Variants in VPS50 observed in about 807,000 individuals in gnomAD.
The protein encoded by VPS50 is syndetin.
In VPS50, 70 loss-of-function variants were observed where a neutral mutation model predicts 139.7. The observed-to-expected ratio is 0.50, with a 90% CI of 0.41 to 0.61. The LOEUF (loss-of-function observed/expected upper bound fraction) is 0.61, where lower values mean the gene tolerates loss of function less well. Among genes scored for constraint, VPS50 ranks in the 20% least tolerant of loss-of-function variants. VPS50 has a pLI of 0.00. For missense variants in VPS50, 921 were observed against 1,133.7 expected, an observed-to-expected ratio of 0.81 and a Z score of 2.69; for synonymous variants, 365 against 376.7, an observed-to-expected ratio of 0.97 and a Z score of 0.36.
intron 23 of VPS50, among the ~76,000 whole-genome samples, chr7:93,346,931 T>C (rs575069143): frequency 7.1e-6 from 1 of 140,282 alleles, no homozygotes; most frequent in Non-Finnish European, 1.5e-5. Flanking sequence ...ACTTCATGTC[T>C]AAAACACCAA....
At chr7:93,324,598 G>C (rs1374215078) in intron 21 of VPS50, among the ~76,000 whole-genome samples, 1 of 152,032 alleles carries the variant, frequency 6.6e-6, no homozygotes. Flanking sequence ...TTATTGATTT[G>C]CGTATATTGA....
In VPS50 at chr7:93,311,224, A is replaced by C. The variant is rs1012240831; in HGVS notation, c.1807A>C (p.Asn603His). The change falls in exon 20 of 28, where the codon AAT (asparagine) becomes CAT (histidine). Residue 603 changes from asparagine to histidine, a missense_variant. Coordinates refer to ENST00000305866, the MANE Select transcript of VPS50 (RefSeq NM_017667.4). ...ATCAGATTACAGTCTAAATAAAGTG[A>C]ATGCACCTATCTTAACAAATACAAC... ...KKSDYSLNKV[N>H]APILTNTTLN... 1 of 1,429,260 alleles carries C rather than the reference A, an allele frequency of 7.0e-7. No homozygotes were observed. Among genetic ancestry groups the C allele is most frequent in the Non-Finnish European group, 9.9e-7 (1 of 1,011,650 alleles). The allele number at this position is 1,429,260 out of a possible 1,614,324, so 88.5% of individuals were successfully genotyped here. A position where few individuals can be genotyped will look rare whatever the true frequency, so the allele number is the denominator to read the frequency against.
intron 16 of VPS50, among the ~76,000 whole-genome samples, chr7:93,297,628 T>A (rs1796849357): frequency 6.6e-6 from 1 of 152,178 alleles, no homozygotes; most frequent in African/African-American, 2.4e-5. Context: ...TGAGAGTATC[T>A]ATCTTTTAAA....
At position 93,239,886 on chromosome 7, in the gene VPS50, A is replaced by T; in HGVS notation, c.54A>T (p.Glu18Asp). Residue 18 changes from glutamate (E) to aspartate (D), a missense_variant, in exon 2 of 28, where the codon GAA (glutamate) becomes GAT (aspartate). Around this residue, in one of 3 missense-constraint regions of VPS50, gnomAD observed 744 missense variants for 930.6 expected, o/e 0.80. Transcript: ENST00000305866. The stretch of plus-strand genomic sequence containing the variant: ...TTAAGGGTCTGAAAAGCCCTCAAGA[A>T]AGCCTCAGTGATCTTGGTGCCATAG... Reference protein sequence around the residue: ...MTRQGLKSPQESLSDLGAIES... With the variant: ...MTRQGLKSPQDSLSDLGAIES... 6.2e-7 allele frequency: 1 copy of T among 1,605,486 alleles called. No homozygotes were observed. The highest frequency in any genetic ancestry group is 8.5e-7 in the Non-Finnish European group (1 of 1,172,556).
chr7:93,256,487 GT>G, intron 4 of VPS50, 21 bp from the exon 5 acceptor site: 2 of 1,201,732 alleles, frequency 1.7e-6, no homozygotes, highest in Non-Finnish European at 2.3e-6. Flanking sequence ...TATTTCCTTT[GT>G]TTGATTACAT....
At chr7:93,308,760 G>A in intron 18 of VPS50, 64 bp from the exon 19 acceptor site, 1 of 791,740 alleles carries the variant, frequency 1.3e-6, no homozygotes, top group Non-Finnish European at 2.2e-6. Context: ...CTTTCACTGT[G>A]TTGAGACACC....
At chr7:93,337,565 A>G (rs1798100580) in intron 22 of VPS50, among the ~76,000 whole-genome samples, 1 of 152,220 alleles carries the variant, frequency 6.6e-6, no homozygotes, top group African/African-American at 2.4e-5. Flanking sequence ...ATTTAAAAGT[A>G]ACTGCTATTA....
chr7:93,306,123 C>T (rs1278921264), intron 18 of VPS50, 119 bp downstream of exon 18: 1 of 685,248 alleles, frequency 1.5e-6, no homozygotes, highest in African/African-American at 1.8e-5. Flanking sequence ...TGCCTGTATA[C>T]TTAATGTACC....
intron 9 of VPS50, among the ~76,000 whole-genome samples, chr7:93,261,751 A>G (rs1584400669): frequency 6.6e-6 from 1 of 151,496 alleles, no homozygotes; most frequent in Admixed American, 6.6e-5. Context: ...AAGCATTCGG[A>G]TCTAACTCTC....
rs924542091 is a variant in VPS50, at chr7:93,343,176, C to T, written c.2207+1601C>T. On this transcript the variant is annotated intron_variant, in intron 23 of 27. Coordinates refer to ENST00000305866, the MANE Select transcript of VPS50 (RefSeq NM_017667.4). ...GCTGAAAACCAAGGCTCGAGAACTA[C>T]GTGAAGAATGCAGAAGCCTCAGGAG... Among the ~76,000 whole-genome samples, 20 of 151,882 alleles carry T rather than the reference C, an allele frequency of 1.3e-4. No individual in the cohort carries two copies. The South Asian group carries it at 2.3e-3, about 17-fold the overall frequency.
chr7:93,304,036 TA>T (rs1797051569), intron 17 of VPS50, among the ~76,000 whole-genome samples: 1 of 151,874 alleles, frequency 6.6e-6, no homozygotes, highest in Admixed American at 6.6e-5. Context: ...GAGGCACTTA[TA>T]AAAAATACTC....
At chr7:93,266,062 G>C (rs1236589469) in intron 9 of VPS50, among the ~76,000 whole-genome samples, 3 of 152,310 alleles carry the variant, frequency 2.0e-5, no homozygotes, top group African/African-American at 7.2e-5. Flanking sequence ...GAGGTCTGCT[G>C]ATAAATTCTC....
chr7:93,292,358 G>A (rs1796672418), intron 13 of VPS50, among the ~76,000 whole-genome samples: 1 of 152,018 alleles, frequency 6.6e-6, no homozygotes, highest in Non-Finnish European at 1.5e-5. Context: ...TTAAATGACT[G>A]TGGTACAGTC....
At position 93,247,441 on chromosome 7, in the gene VPS50, C is replaced by T. The variant is rs201510966; in HGVS notation, c.103-5212C>T. 4.6e-5 allele frequency among the ~76,000 whole-genome samples: 7 copies of T among 152,014 alleles called. No individual in the cohort carries two copies. The East Asian group carries it at 1.2e-3, about 25-fold the overall frequency. Reference sequence around the variant, plus strand: ...TGCTTTAACCTGTTGTGCACTTTCTCGATTCAATATTTTTACTTTTGCTTT... The same window carrying T: ...TGCTTTAACCTGTTGTGCACTTTCTTGATTCAATATTTTTACTTTTGCTTT... On this transcript the variant is annotated intron_variant, in intron 2 of 27. Transcript: ENST00000305866.
chr7:93,238,358 A>G (rs1221679648), intron 1 of VPS50, among the ~76,000 whole-genome samples: 1 of 150,186 alleles, frequency 6.7e-6, no homozygotes, highest in East Asian at 2.0e-4. Context: ...ACATGTTCCC[A>G]TGGGAACAAT....
intron 1 of VPS50, among the ~76,000 whole-genome samples, chr7:93,239,645 AAT>A (rs1794919428): frequency 6.6e-6 from 1 of 152,182 alleles, no homozygotes; most frequent in Non-Finnish European, 1.5e-5. Context: ...GTTGCCGTAT[AAT>A]ACTCTTTTAT....
At chr7:93,329,410 G>A (rs2117035798) in intron 21 of VPS50, among the ~76,000 whole-genome samples, 1 of 152,060 alleles carries the variant, frequency 6.6e-6, no homozygotes, top group Non-Finnish European at 1.5e-5. Flanking sequence ...AAAGTGAAGA[G>A]CGTAAAAAAG....
intron 23 of VPS50, among the ~76,000 whole-genome samples, chr7:93,344,850 G>C (rs1025216507): frequency 1.3e-5 from 2 of 151,924 alleles, no homozygotes; most frequent in East Asian, 1.9e-4. Flanking sequence ...GAAATTTATA[G>C]CACTAAATGC....
chr7:93,330,985 C>G (rs1178474941), intron 21 of VPS50, among the ~76,000 whole-genome samples: 1 of 113,230 alleles, frequency 8.8e-6, no homozygotes, highest in Non-Finnish European at 1.6e-5. Context: ...CAATAATAAT[C>G]AAGTTTGAAA....
Sources: allele counts gnomAD v4.1 joint callset (sites outside exome capture counted in the v4.1 genomes callset), GRCh38; gene constraint gnomAD v4.1.1; regional missense constraint gnomAD v4.1.1; transcripts MANE v1.5; gene names NCBI Gene and HGNC (gene_info 2026-07-23, HGNC 2026-07-21).